The following MACROD2 variants were observed in gnomAD, a reference collection of about 807,000 sequenced individuals.
MACROD2 encodes ADP-ribose glycohydrolase MACROD2.
In MACROD2, 36 loss-of-function variants were observed where a neutral mutation model predicts 70.4. That is an observed-to-expected ratio of 0.51 (90% confidence interval 0.39 to 0.68). The LOEUF (loss-of-function observed/expected upper bound fraction) is 0.68, where lower values mean the gene tolerates loss of function less well. Among genes scored for constraint, MACROD2 ranks in the 30% least tolerant of loss-of-function variants. MACROD2 has a pLI of 0.00. For missense variants in MACROD2, 496 were observed against 538.4 expected (o/e 0.92, Z 0.78); for synonymous variants, 172 against 178.8 (o/e 0.96, Z 0.30).
At chr20:15,986,354 C>A (rs6034341) in intron 13 of MACROD2, among the ~76,000 whole-genome samples, 6,015 of 152,188 alleles carry the variant, frequency 0.04, 285 homozygotes, top group East Asian at 0.14. Flanking sequence ...TAGGAATCCT[C>A]ACTATGGGAA....
chr20:14,834,664 A>G (rs1012466267), intron 5 of MACROD2, among the ~76,000 whole-genome samples: 3 of 152,076 alleles, frequency 2.0e-5, no homozygotes, highest in Non-Finnish European at 4.4e-5. Flanking sequence ...GGGTACTACA[A>G]TATATCTACC....
chr20:14,459,347 T>G (rs77519810), intron 3 of MACROD2, among the ~76,000 whole-genome samples: 155 of 152,084 alleles, frequency 1.0e-3, no homozygotes, highest in African/African-American at 3.6e-3. Flanking sequence ...CTGACAAATA[T>G]TTATACTTAT....
intron 8 of MACROD2, among the ~76,000 whole-genome samples, chr20:15,660,738 A>G (rs895212122): frequency 1.3e-5 from 2 of 152,208 alleles, no homozygotes; most frequent in Admixed American, 1.3e-4. Flanking sequence ...ACCCACAGGC[A>G]TGAACTGTGG....
At chr20:15,880,987 A>G (rs1369314917) in intron 9 of MACROD2, among the ~76,000 whole-genome samples, 1 of 152,040 alleles carries the variant, frequency 6.6e-6, no homozygotes, top group Non-Finnish European at 1.5e-5. Flanking sequence ...ATTTCCCAAT[A>G]CAACTTCTGT....
chr20:14,818,036 C>T (rs2072793303), intron 5 of MACROD2, among the ~76,000 whole-genome samples: 1 of 152,168 alleles, frequency 6.6e-6, no homozygotes, highest in Non-Finnish European at 1.5e-5. Context: ...GGCTTACATC[C>T]ACCCAAAGTG....
At chr20:14,910,348 A>G (rs1485753553) in intron 5 of MACROD2, among the ~76,000 whole-genome samples, 3 of 152,200 alleles carry the variant, frequency 2.0e-5, no homozygotes, top group African/African-American at 7.2e-5. Context: ...AGTGTGTTAT[A>G]TAGTACTGCA....
At chr20:14,589,251 A>C (rs73899206) in intron 4 of MACROD2, among the ~76,000 whole-genome samples, 1 of 152,142 alleles carries the variant, frequency 6.6e-6, no homozygotes, top group African/African-American at 2.4e-5. Context: ...TGAATGACTA[A>C]TTTCTGAAAG....
chr20:14,351,737 T>G (rs1045613881), intron 3 of MACROD2, among the ~76,000 whole-genome samples: 2 of 152,212 alleles, frequency 1.3e-5, no homozygotes, highest in African/African-American at 4.8e-5. Flanking sequence ...TTTCTTTCTC[T>G]TGTCTTACTG....
intron 4 of MACROD2, among the ~76,000 whole-genome samples, chr20:14,609,077 T>C (rs994911760): frequency 6.6e-6 from 1 of 152,048 alleles, no homozygotes; most frequent in South Asian, 2.1e-4. Context: ...TTTGTCACAA[T>C]GGGAAGCCAT....
chr20:14,683,391 C>A (rs1226912274), intron 4 of MACROD2, among the ~76,000 whole-genome samples: 1 of 152,094 alleles, frequency 6.6e-6, no homozygotes, highest in Non-Finnish European at 1.5e-5. Flanking sequence ...GTAAGAAAAC[C>A]AGTGCTTGGA....
At chr20:15,768,338 C>T (rs549426325) in intron 8 of MACROD2, among the ~76,000 whole-genome samples, 1 of 152,274 alleles carries the variant, frequency 6.6e-6, no homozygotes, top group Non-Finnish European at 1.5e-5. Context: ...CAACATGTTA[C>T]TGTACTGAAT....
chr20:15,875,255 C>G (rs1340588275), intron 9 of MACROD2, among the ~76,000 whole-genome samples: 4 of 152,098 alleles, frequency 2.6e-5, no homozygotes, highest in African/African-American at 9.7e-5. Context: ...ATACGCCAGT[C>G]ATCTATGAAT....
chr20:15,739,450 G>A (rs532565509), intron 8 of MACROD2, among the ~76,000 whole-genome samples: 2 of 152,198 alleles, frequency 1.3e-5, no homozygotes, highest in African/African-American at 2.4e-5. Flanking sequence ...GGGTAAGGAG[G>A]CATAGAAGAG....
chr20:15,162,821 T>A (rs1209961998), intron 5 of MACROD2, among the ~76,000 whole-genome samples: 1 of 152,070 alleles, frequency 6.6e-6, no homozygotes, highest in Non-Finnish European at 1.5e-5. Flanking sequence ...TAGCATGCAT[T>A]CAGGGAGAAA....
At chr20:14,347,352 T>A (rs204615) in intron 3 of MACROD2, among the ~76,000 whole-genome samples, 149,688 of 152,282 alleles carry the variant, frequency 0.98, 73,574 homozygotes, top group East Asian at 1. Flanking sequence ...GATAGAGGAA[T>A]TTGCTGAATT....
At chr20:15,657,957 C>T (rs2146809387) in intron 8 of MACROD2, among the ~76,000 whole-genome samples, 1 of 152,270 alleles carries the variant, frequency 6.6e-6, no homozygotes, top group East Asian at 1.9e-4. Flanking sequence ...TGAGCCATTG[C>T]ACTCCAGCCT....
At chr20:15,414,696 G>A (rs757568073) in intron 6 of MACROD2, among the ~76,000 whole-genome samples, 8 of 152,078 alleles carry the variant, frequency 5.3e-5, no homozygotes, top group Admixed American at 1.3e-4. Flanking sequence ...GCCACTTCAG[G>A]TATCCGTATA....
At chr20:15,074,254 G>A (rs1360805938) in intron 5 of MACROD2, among the ~76,000 whole-genome samples, 3 of 152,168 alleles carry the variant, frequency 2.0e-5, no homozygotes, top group Non-Finnish European at 4.4e-5. Flanking sequence ...AACCTCTGGG[G>A]AGTGTAGAGG....
intron 3 of MACROD2, among the ~76,000 whole-genome samples, chr20:14,307,012 A>AACACACAC (rs3044626): frequency 2.1e-3 from 309 of 148,308 alleles, no homozygotes; most frequent in East Asian, 1.0e-2. Context: ...ACTAAATGTA[A>AACACACAC]ACACACACAC....
Sources: gnomAD v4.1 joint callset for allele counts (sites outside exome capture counted in the v4.1 genomes callset) on GRCh38, gnomAD v4.1.1 for gene constraint, MANE v1.5 for transcripts, NCBI Gene and HGNC (gene_info 2026-07-23, HGNC 2026-07-21) for gene names.